The following EDAR variants were observed in gnomAD, a reference collection of about 807,000 sequenced individuals.
The protein encoded by EDAR is tumor necrosis factor receptor superfamily member EDAR.
A neutral mutation model predicts 51.3 loss-of-function variants in EDAR; 38 were observed. The observed-to-expected ratio is 0.74, with a 90% CI of 0.57 to 0.97. The LOEUF is 0.97. Among genes scored for constraint, EDAR ranks in the 50% least tolerant of loss-of-function variants. The pLI is 0.00. For missense variants in EDAR, 528 were observed against 595.0 expected, an observed-to-expected ratio of 0.89 and a Z score of 1.17; for synonymous variants, 227 against 242.1, an observed-to-expected ratio of 0.94 and a Z score of 0.58.
intron 1 of EDAR, among the ~76,000 whole-genome samples, chr2:108,974,487 T>C (rs1431763418): frequency 6.6e-6 from 1 of 151,862 alleles, no homozygotes; most frequent in African/African-American, 2.4e-5. Flanking sequence ...ATCCCAGCAC[T>C]TTGGGAGGCC....
chr2:108,907,907 C>T lies in EDAR; in HGVS notation c.916G>A (p.Val306Ile). 1 of 1,613,680 alleles carries T rather than the reference C, an allele frequency of 6.2e-7. No homozygotes were observed. Among genetic ancestry groups the T allele is most frequent in the South Asian group, 1.1e-5 (1 of 91,076 alleles). Residue 306 changes from valine (V) to isoleucine (I), a missense_variant, in exon 10 of 12, where the codon GTT (valine) becomes ATT (isoleucine). By Grantham distance (29) the Val-to-Ile change is conservative. Transcript: ENST00000258443. ...GCAGACTTCTCCCTGGCCAGGTGAA[C>T]CAGCGACAGCAGGCACAGCTCCGGG... ...GSPELCLLSL[V>I]HLAREKSATS... is the part of the protein sequence containing the mutation.
At chr2:108,933,586 C>A (rs1376093398) in intron 1 of EDAR, among the ~76,000 whole-genome samples, 1 of 152,146 alleles carries the variant, frequency 6.6e-6, no homozygotes, top group Admixed American at 6.6e-5. Flanking sequence ...GTTTCCAGAC[C>A]CTCTTGATGA....
intron 1 of EDAR, among the ~76,000 whole-genome samples, chr2:108,953,997 A>G (rs1697874113): frequency 1.3e-5 from 2 of 152,254 alleles, no homozygotes; most frequent in African/African-American, 4.8e-5. Context: ...GAAAGGCATG[A>G]TAAGTCTTCT....
chr2:108,974,220 G>C (rs1482286256), intron 1 of EDAR, among the ~76,000 whole-genome samples: 1 of 147,482 alleles, frequency 6.8e-6, no homozygotes, highest in Admixed American at 6.9e-5. Flanking sequence ...GTCCCAGCTA[G>C]TTGGGAGGTT....
chr2:108,960,537 G>C (rs1698018430), intron 1 of EDAR, among the ~76,000 whole-genome samples: 1 of 152,192 alleles, frequency 6.6e-6, no homozygotes, highest in Admixed American at 6.5e-5. Context: ...CTGCTGCCCC[G>C]TCAGCCAGCA....
At chr2:108,931,090 G>C (rs1413706455) in intron 1 of EDAR, 58 bp from the exon 2 acceptor site, 1 of 1,461,516 alleles carries the variant, frequency 6.8e-7, no homozygotes, top group African/African-American at 1.4e-5. Context: ...CGGGGGTCTG[G>C]CTACCTTTAT....
intron 1 of EDAR, among the ~76,000 whole-genome samples, chr2:108,947,770 G>A (rs890057416): frequency 4.6e-5 from 7 of 152,284 alleles, no homozygotes; most frequent in East Asian, 1.9e-4. Flanking sequence ...CCAGGCCTCC[G>A]GGTCTGTGGT....
chr2:108,988,132 A>G (rs1023747501), intron 1 of EDAR, among the ~76,000 whole-genome samples: 12 of 152,186 alleles, frequency 7.9e-5, no homozygotes, highest in Admixed American at 5.2e-4. Flanking sequence ...TTGCCCACTG[A>G]CCGGCATCTG....
At chr2:108,907,730 T>A in intron 10 of EDAR, 130 bp downstream of exon 10, 1 of 1,026,566 alleles carries the variant, frequency 9.7e-7, no homozygotes, top group South Asian at 1.3e-5. Flanking sequence ...ACTGTCCAGG[T>A]CTCCTATCTT....
At chr2:108,971,885 A>G (rs1207829326) in intron 1 of EDAR, among the ~76,000 whole-genome samples, 2 of 152,220 alleles carry the variant, frequency 1.3e-5, no homozygotes, top group Non-Finnish European at 2.9e-5. Context: ...TACAGAGACC[A>G]GGTCACCAAA....
chr2:108,929,282 T>C lies in EDAR; in HGVS notation c.272A>G (p.Lys91Arg). The C allele has an allele frequency of 6.2e-7, 1 of 1,614,152 alleles. No homozygotes were observed. Among genetic ancestry groups the C allele is most frequent in the Non-Finnish European group, 8.5e-7 (1 of 1,180,016 alleles). ...GGCCCGGAAGAAGCCCTCACAGTCT[T>C]TGTGACGCCTGCATATCTGGTAGCC... ...KGGYQICRRH[K>R]DCEGFFRATV... The change falls in exon 4 of 12, where the codon AAA becomes AGA. Residue 91 changes from lysine (K) to arginine (R), a missense_variant. By Grantham distance (26) the Lys-to-Arg change is conservative. Transcript: ENST00000258443.
At chr2:108,935,575 T>C (rs1697450739) in intron 1 of EDAR, among the ~76,000 whole-genome samples, 1 of 152,212 alleles carries the variant, frequency 6.6e-6, no homozygotes, top group Non-Finnish European at 1.5e-5. Flanking sequence ...GAAGAAAGCC[T>C]TGGCTGGGTC....
chr2:108,913,949 CAAAAAA>C (rs71383816), intron 5 of EDAR, among the ~76,000 whole-genome samples: 1 of 109,156 alleles, frequency 9.2e-6, no homozygotes, highest in Non-Finnish European at 1.8e-5. Context: ...GATTCCGTCT[CAAAAAA>C]AAAAAAAAAA....
At chr2:108,987,314 A>G (rs1402258125) in intron 1 of EDAR, among the ~76,000 whole-genome samples, 1 of 152,224 alleles carries the variant, frequency 6.6e-6, no homozygotes, top group African/African-American at 2.4e-5. Flanking sequence ...CTTTGACTAG[A>G]AGAGGCTCCC....
chr2:108,912,628 T>C (rs763754294), intron 6 of EDAR, 50 bp downstream of exon 6: 3 of 1,504,818 alleles, frequency 2.0e-6, no homozygotes, highest in Non-Finnish European at 2.7e-6. Context: ...TGAGCTTTCA[T>C]CCGAGTACCA....
chr2:108,930,593 C>T (rs1241846797), intron 2 of EDAR, among the ~76,000 whole-genome samples: 2 of 152,148 alleles, frequency 1.3e-5, no homozygotes, highest in Non-Finnish European at 2.9e-5. Flanking sequence ...ACAGTGGCTT[C>T]TCAGAACACC....
chr2:108,975,844 C>T (rs1249203351), intron 1 of EDAR, among the ~76,000 whole-genome samples: 2 of 152,172 alleles, frequency 1.3e-5, no homozygotes, highest in African/African-American at 2.4e-5. Context: ...GGCCACCCCT[C>T]AACTGCTGGA....
intron 5 of EDAR, among the ~76,000 whole-genome samples, chr2:108,915,854 G>GCAA (rs1697017121): frequency 6.6e-6 from 1 of 151,786 alleles, no homozygotes; most frequent in Admixed American, 6.6e-5. Flanking sequence ...TCGAGACCAC[G>GCAA]CCATTGCACT....
chr2:108,930,339 G>C, intron 2 of EDAR, 97 bp from the exon 3 acceptor site: 1 of 1,436,404 alleles, frequency 7.0e-7, no homozygotes, highest in Admixed American at 1.7e-5. Context: ...GGGGTGCCCT[G>C]CGGTGGGGGC....
Sources: gnomAD v4.1 joint callset for allele counts (sites outside exome capture counted in the v4.1 genomes callset) on GRCh38, gnomAD v4.1.1 for gene constraint, MANE v1.5 for transcripts, NCBI Gene and HGNC (gene_info 2026-07-23, HGNC 2026-07-21) for gene names.